PEAK1: variants seen among roughly 807,000 people sequenced by gnomAD.
PEAK1 encodes the protein pseudopodium enriched atypical kinase 1, also known as inactive tyrosine-protein kinase PEAK1.
Under a neutral mutation model 124.7 loss-of-function variants are expected in PEAK1, and 54 were observed. That is an observed-to-expected ratio of 0.43 (90% confidence interval 0.35 to 0.54). The LOEUF (loss-of-function observed/expected upper bound fraction) is 0.54. Ranked by LOEUF, PEAK1 falls within the 20% of genes least tolerant of loss-of-function variation. The pLI is 0.01. For missense variants in PEAK1, 2,046 were observed against 2,134.5 expected, an observed-to-expected ratio of 0.96 and a Z score of 0.82; for synonymous variants, 719 against 760.0, an observed-to-expected ratio of 0.95 and a Z score of 0.89.
chr15:77,158,358 C>T (rs559243208), intron 8 of PEAK1, 145 bp downstream of exon 8: 21 of 722,398 alleles, frequency 2.9e-5, no homozygotes, highest in African/African-American at 2.5e-4. Context: ...GAACGTTTTT[C>T]TGATGTGACT....
chr15:77,162,493 C>CAAAAAAAA (rs71143393), intron 7 of PEAK1, among the ~76,000 whole-genome samples: 2 of 70,440 alleles, frequency 2.8e-5, no homozygotes, highest in Non-Finnish European at 4.8e-5. Context: ...GACTCCATCT[C>CAAAAAAAA]AAAAAAAAAA....
At chr15:77,366,683 G>A (rs1033618511) in intron 1 of PEAK1, among the ~76,000 whole-genome samples, 1 of 152,126 alleles carries the variant, frequency 6.6e-6, no homozygotes, top group African/African-American at 2.4e-5. Flanking sequence ...AGCATCCTGA[G>A]TAGCTGGGAC....
At chr15:77,394,001 G>A (rs751623703) in intron 1 of PEAK1, among the ~76,000 whole-genome samples, 9 of 152,268 alleles carry the variant, frequency 5.9e-5, no homozygotes, top group South Asian at 2.1e-4. Flanking sequence ...TACTCACCAC[G>A]GGCCTGGGAC....
At position 77,271,011 on chromosome 15, in the gene PEAK1, A is replaced by G. The variant is rs111994350; in HGVS notation, c.-275+12872T>C. On this transcript the variant is annotated intron_variant, in intron 5 of 9. Coordinates refer to ENST00000682557, the MANE Select transcript of PEAK1 (RefSeq NM_001385026.1). The stretch of plus-strand genomic sequence containing the variant: ...AACAGGCAACCTACAGAATGGGAGA[A>G]AATTTTTGCATTCTACTCATCTGAC... 4.9e-3 allele frequency among the ~76,000 whole-genome samples: 746 copies of G among 152,310 alleles called. 10 individuals carry two copies. Among genetic ancestry groups the G allele is most frequent in the African/African-American group, 0.017 (696 of 41,568 alleles).
intron 2 of PEAK1, chr15:77,350,845 A>C (rs539915007): frequency 2.0e-6 from 2 of 982,632 alleles, no homozygotes; most frequent in East Asian, 1.1e-4. Flanking sequence ...TAAGAAACAT[A>C]ATCAATTACT....
At chr15:77,214,157 T>G (rs938533151) in intron 6 of PEAK1, among the ~76,000 whole-genome samples, 22 of 152,164 alleles carry the variant, frequency 1.4e-4, no homozygotes, top group Non-Finnish European at 4.4e-5. Context: ...TACACCACAA[T>G]GTATTCTTCA....
intron 2 of PEAK1, among the ~76,000 whole-genome samples, chr15:77,311,768 G>C (rs1048416777): frequency 4.6e-5 from 7 of 151,514 alleles, no homozygotes; most frequent in South Asian, 2.1e-4. Flanking sequence ...TGTGCGTCTG[G>C]TGGGGGGCAC....
chr15:77,357,796 A>T (rs570953006), intron 2 of PEAK1, among the ~76,000 whole-genome samples: 9 of 152,298 alleles, frequency 5.9e-5, no homozygotes, highest in Non-Finnish European at 1.0e-4. Flanking sequence ...ATTTCTGACC[A>T]CATACCTTTT....
At chr15:77,247,225 T>C (rs945317418) in intron 6 of PEAK1, among the ~76,000 whole-genome samples, 4 of 152,142 alleles carry the variant, frequency 2.6e-5, no homozygotes, top group African/African-American at 9.7e-5. Context: ...CTTTCATTTT[T>C]CTTTTTTTGC....
chr15:77,182,745 G>C (rs555134424), intron 6 of PEAK1, among the ~76,000 whole-genome samples: 2 of 17,736 alleles, frequency 1.1e-4, no homozygotes, highest in South Asian at 1.0e-3. Context: ...GTGAGACCTT[G>C]TCTCAAAAAA....
intron 1 of PEAK1, chr15:77,417,419 G>A: frequency 3.2e-6 from 3 of 937,096 alleles, no homozygotes; most frequent in Non-Finnish European, 3.7e-6. Context: ...CTTTAGTAAT[G>A]AAAGGACTAG....
intron 7 of PEAK1, chr15:77,178,122 A>G (rs12898388): frequency 0.084 from 12,825 of 152,256 alleles, 621 homozygotes; most frequent in Non-Finnish European, 0.1. Flanking sequence ...GGTATTCAAG[A>G]AAATGAATGC....
chr15:77,230,915 T>C lies in PEAK1; in HGVS notation c.-115+21452A>G, dbSNP rs2059886276. On this transcript the variant is annotated intron_variant, in intron 6 of 9. Transcript: ENST00000682557. ...TAATTTGGTTTATAGCATGTAGTAC[T>C]AGTATGAAGAAGTAAAAACCAAAAA... Among the ~76,000 whole-genome samples the C allele has an allele frequency of 2.0e-5, 3 of 151,944 alleles. No homozygotes were observed. The East Asian group carries it at 5.8e-4, about 29-fold the overall frequency.
chr15:77,339,848 C>G (rs906864755), intron 2 of PEAK1, among the ~76,000 whole-genome samples: 1 of 152,130 alleles, frequency 6.6e-6, no homozygotes, highest in African/African-American at 2.4e-5. Flanking sequence ...TGAGCAGACA[C>G]CTCGTCAAAG....
chr15:77,223,713 G>C (rs1184656207), intron 6 of PEAK1, among the ~76,000 whole-genome samples: 1 of 151,990 alleles, frequency 6.6e-6, no homozygotes, highest in Non-Finnish European at 1.5e-5. Context: ...AATCTGCTAA[G>C]TGATTGATGA....
intron 6 of PEAK1, among the ~76,000 whole-genome samples, chr15:77,201,209 T>C (rs56064323): frequency 0.061 from 9,179 of 150,292 alleles, 409 homozygotes; most frequent in Middle Eastern, 0.13. Context: ...AGTTTTACTG[T>C]ATAAATTGAT....
chr15:77,213,525 C>T (rs565694814), intron 6 of PEAK1, among the ~76,000 whole-genome samples: 3 of 152,180 alleles, frequency 2.0e-5, no homozygotes, highest in African/African-American at 7.2e-5. Flanking sequence ...CCCATCTCTA[C>T]TAAAACTACA....
In PEAK1 at chr15:77,298,060, G is replaced by A. The variant is rs1292899334; in HGVS notation, c.-602-11556C>T. 7.4e-3 allele frequency among the ~76,000 whole-genome samples: 336 copies of A among 45,504 alleles called. 4 individuals are homozygous for A. The highest frequency in any genetic ancestry group is 0.011 in the Non-Finnish European group (293 of 26,378). 29.9% of individuals were successfully genotyped at this position (45,504 alleles called of 152,430 possible). ...GGCCTGGGCGACAGGGCGAGACTCC[G>A]TCTCAAAAAAAAAAAAAAAAAAAAA... On this transcript the variant is annotated intron_variant, in intron 2 of 9. Coordinates refer to ENST00000682557, the MANE Select transcript of PEAK1 (RefSeq NM_001385026.1).
At chr15:77,397,403 A>C (rs551255398) in intron 1 of PEAK1, among the ~76,000 whole-genome samples, 20 of 152,240 alleles carry the variant, frequency 1.3e-4, no homozygotes, top group African/African-American at 4.3e-4. Context: ...TTAAAGAACT[A>C]GAAAAGCAAG....
Sources: allele counts gnomAD v4.1 joint callset (sites outside exome capture counted in the v4.1 genomes callset), GRCh38; gene constraint gnomAD v4.1.1; transcripts MANE v1.5; gene names NCBI Gene and HGNC (gene_info 2026-07-23, HGNC 2026-07-21).